TMTC4: variants seen among roughly 807,000 people sequenced by gnomAD.
The protein encoded by TMTC4 is protein O-mannosyl-transferase TMTC4.
Under a neutral mutation model 86.0 loss-of-function variants are expected in TMTC4, and 65 were observed. The observed-to-expected ratio is 0.76, with a 90% CI of 0.62 to 0.93. The LOEUF (loss-of-function observed/expected upper bound fraction) is 0.93, where lower values mean the gene tolerates loss of function less well. Among genes scored for constraint, TMTC4 ranks in the 40% least tolerant of loss-of-function variants. The pLI is 0.00. For synonymous variants in TMTC4, 379 were observed against 382.5 expected, an observed-to-expected ratio of 0.99 and a Z score of 0.11; for missense variants, 866 against 948.1, an observed-to-expected ratio of 0.91 and a Z score of 1.14.
intron 16 of TMTC4, among the ~76,000 whole-genome samples, chr13:100,613,129 G>C (rs1002869730): frequency 3.8e-4 from 58 of 152,096 alleles, no homozygotes; most frequent in Non-Finnish European, 7.9e-4. Flanking sequence ...TCTAGTTCTT[G>C]TGAAATATAT....
intron 5 of TMTC4, among the ~76,000 whole-genome samples, chr13:100,660,536 GC>G (rs1300097002): frequency 6.6e-6 from 1 of 152,094 alleles, no homozygotes; most frequent in Admixed American, 6.5e-5. Context: ...CAGCATTCAG[GC>G]CGCTGGCCCA....
chr13:100,625,976 T>C, intron 13 of TMTC4, 84 bp from the exon 14 acceptor site: 1 of 1,595,286 alleles, frequency 6.3e-7, no homozygotes, highest in Non-Finnish European at 8.6e-7. Context: ...GTAAAGATAT[T>C]GTAAAGTTGG....
intron 17 of TMTC4, among the ~76,000 whole-genome samples, chr13:100,607,236 G>A (rs1171949560): frequency 1.3e-5 from 2 of 152,200 alleles, no homozygotes; most frequent in Non-Finnish European, 2.9e-5. Flanking sequence ...AGTATCACAT[G>A]CTGGGCATGG....
At chr13:100,617,510 T>C (rs968791264) in intron 15 of TMTC4, among the ~76,000 whole-genome samples, 1 of 152,176 alleles carries the variant, frequency 6.6e-6, no homozygotes, top group Non-Finnish European at 1.5e-5. Context: ...TTGTGTTTTG[T>C]GAAAGGTAGG....
chr13:100,604,137 C>A lies in TMTC4; in HGVS notation c.*857G>T, dbSNP rs1246286824. ...AAATTTTGCATTTTCTGGATAATGT[C>A]TGTAGTTACATTAAGCAAAATGGAA... is the stretch of plus-strand genomic sequence containing the variant. On this transcript the variant is annotated 3_prime_UTR_variant, in exon 19 of 19. Transcript: ENST00000342624. 1 of 152,628 alleles carries A rather than the reference C, an allele frequency of 6.6e-6. No individual in the cohort carries two copies. Among genetic ancestry groups the A allele is most frequent in the Non-Finnish European group, 1.5e-5 (1 of 68,044 alleles). 9.5% of individuals were successfully genotyped at this position (152,628 alleles called of 1,614,324 possible).
chr13:100,637,475 G>A (rs1380395116), intron 9 of TMTC4, 63 bp downstream of exon 9: 21 of 1,553,490 alleles, frequency 1.4e-5, no homozygotes, highest in Non-Finnish European at 1.8e-5. Flanking sequence ...GAGGAGGGGT[G>A]AGGGATCTGG....
At chr13:100,642,076 A>C (rs1480301397) in intron 7 of TMTC4, 135 bp downstream of exon 7, 1 of 780,414 alleles carries the variant, frequency 1.3e-6, no homozygotes, top group African/African-American at 1.7e-5. Flanking sequence ...TTGTCCAGAA[A>C]GGTCTATCAC....
At chr13:100,625,510 C>T (rs1880340602) in intron 15 of TMTC4, 25 bp downstream of exon 15, 1 of 1,612,278 alleles carries the variant, frequency 6.2e-7, no homozygotes, top group Non-Finnish European at 8.5e-7. Flanking sequence ...TTTCCTTCCA[C>T]AGGCACAGGG....
intron 6 of TMTC4, among the ~76,000 whole-genome samples, chr13:100,652,221 G>A (rs1170850721): frequency 6.6e-6 from 1 of 152,118 alleles, no homozygotes; most frequent in Non-Finnish European, 1.5e-5. Flanking sequence ...GGCTCAGCCT[G>A]TAATCCCAGC....
At chr13:100,671,438 A>G (rs1242808720) in intron 1 of TMTC4, among the ~76,000 whole-genome samples, 1 of 151,942 alleles carries the variant, frequency 6.6e-6, no homozygotes, top group Non-Finnish European at 1.5e-5. Flanking sequence ...TGCTTAGAAC[A>G]TAAACGTGTT....
At chr13:100,634,010 A>G (rs1041470136) in intron 12 of TMTC4, among the ~76,000 whole-genome samples, 5 of 152,004 alleles carry the variant, frequency 3.3e-5, no homozygotes, top group Non-Finnish European at 7.4e-5. Context: ...TGTGGTAGCA[A>G]GCGCCTGTAA....
chr13:100,607,058 C>T (rs557335224), intron 17 of TMTC4, among the ~76,000 whole-genome samples: 56 of 152,334 alleles, frequency 3.7e-4, no homozygotes, highest in Non-Finnish European at 7.1e-4. Flanking sequence ...AAAGGCAGGG[C>T]AAAGTGTCTT....
chr13:100,613,413 T>TC (rs1877950731), intron 16 of TMTC4, among the ~76,000 whole-genome samples: 1 of 152,222 alleles, frequency 6.6e-6, no homozygotes, highest in Non-Finnish European at 1.5e-5. Flanking sequence ...TCCTAATTGA[T>TC]TGAATCTGGT....
At chr13:100,672,255 C>G (rs1445338671) in intron 1 of TMTC4, among the ~76,000 whole-genome samples, 1 of 152,232 alleles carries the variant, frequency 6.6e-6, no homozygotes, top group Admixed American at 6.5e-5. Flanking sequence ...CATCGGGTGA[C>G]CTGGTGCGAC....
At chr13:100,627,835 G>A (rs547455641) in intron 12 of TMTC4, among the ~76,000 whole-genome samples, 9 of 152,126 alleles carry the variant, frequency 5.9e-5, no homozygotes, top group Non-Finnish European at 1.3e-4. Context: ...AACAAATCCC[G>A]TGGTGGGAAA....
chr13:100,614,858 T>A (rs2138727861), intron 15 of TMTC4: 1 of 924,270 alleles, frequency 1.1e-6, no homozygotes, highest in East Asian at 1.2e-4. Context: ...ATAAGTTCAT[T>A]GTTGATAAAG....
At chr13:100,606,190 TA>T (rs1202975179) in intron 18 of TMTC4, among the ~76,000 whole-genome samples, 167 bp downstream of exon 18, 1 of 152,244 alleles carries the variant, frequency 6.6e-6, no homozygotes, top group Non-Finnish European at 1.5e-5. Context: ...TTGAGATTTG[TA>T]AGTGTGGCTA....
At chr13:100,629,599 C>T (rs1458237401) in intron 12 of TMTC4, among the ~76,000 whole-genome samples, 3 of 152,118 alleles carry the variant, frequency 2.0e-5, no homozygotes, top group African/African-American at 4.8e-5. Context: ...CTGCTCGAGG[C>T]ACTTTCTAGA....
rs780654549 is a variant in TMTC4, at chr13:100,634,785, G to T, written c.1506+20C>A. 6 of 1,608,750 alleles carry T rather than the reference G, an allele frequency of 3.7e-6. No homozygotes were observed. The African/African-American group carries it at 4.0e-5, about 11-fold the overall frequency. ...ATACCCTAGTAAGGTCCCTTTAAAA[G>T]AAATCTGGCAGCTAGGTACCTTAGC... On this transcript the variant is annotated intron_variant, in intron 12 of 18. Transcript: ENST00000342624.
Sources: allele counts gnomAD v4.1 joint callset (sites outside exome capture counted in the v4.1 genomes callset), GRCh38; gene constraint gnomAD v4.1.1; transcripts MANE v1.5; gene names NCBI Gene and HGNC (gene_info 2026-07-23, HGNC 2026-07-21).